DSCAM: variants seen among roughly 807,000 people sequenced by gnomAD.
DSCAM encodes DS cell adhesion molecule.
DSCAM carries 47 observed loss-of-function variants against 217.7 expected under a neutral mutation model. That is an observed-to-expected ratio of 0.22 (90% CI 0.17 to 0.28). DSCAM has a LOEUF of 0.28. Among genes scored for constraint, DSCAM ranks in the 10% least tolerant of loss-of-function variants. DSCAM has a pLI of 1.00. For missense variants in DSCAM, 2,080 were observed against 2,618.3 expected (o/e 0.79, Z 4.49); for synonymous variants, 1,056 against 1,015.3 (o/e 1.04, Z -0.76).
At chr21:40,100,635 C>CTTT (rs34909847) in intron 20 of DSCAM, among the ~76,000 whole-genome samples, 131 of 131,918 alleles carry the variant, frequency 9.9e-4, no homozygotes, top group African/African-American at 3.3e-3. Flanking sequence ...GACTCTGAAT[C>CTTT]TTTTTTTTTT....
chr21:40,400,326 A>G (rs2075222217), intron 3 of DSCAM, among the ~76,000 whole-genome samples: 1 of 152,248 alleles, frequency 6.6e-6, no homozygotes, highest in Admixed American at 6.5e-5. Context: ...ACAAAAAAAT[A>G]GCTAGAAGAG....
chr21:40,691,992 C>T (rs1002606475), intron 3 of DSCAM, among the ~76,000 whole-genome samples: 1 of 152,180 alleles, frequency 6.6e-6, no homozygotes, highest in Non-Finnish European at 1.5e-5. Context: ...GTGTGTTGTG[C>T]GTGTGTGCAC....
At chr21:40,357,205 T>A (rs2074703036) in intron 4 of DSCAM, among the ~76,000 whole-genome samples, 1 of 152,188 alleles carries the variant, frequency 6.6e-6, no homozygotes, top group African/African-American at 2.4e-5. Flanking sequence ...CAGCAAAAAC[T>A]TCATTGCTTC....
At chr21:40,763,052 T>G (rs1425061253) in intron 1 of DSCAM, among the ~76,000 whole-genome samples, 1 of 152,138 alleles carries the variant, frequency 6.6e-6, no homozygotes, top group East Asian at 1.9e-4. Context: ...ATGCCCTCTC[T>G]CACCACTGCT....
intron 1 of DSCAM, among the ~76,000 whole-genome samples, chr21:40,801,537 G>A (rs2091740359): frequency 6.6e-6 from 1 of 152,092 alleles, no homozygotes; most frequent in South Asian, 2.1e-4. Context: ...CTCATCACAG[G>A]CCCAGAGGCC....
Position 40,061,569 on chromosome 21 carries a change from C to CA in DSCAM, c.4919+1299dup, listed in dbSNP as rs1223587491. 8.1e-4 allele frequency among the ~76,000 whole-genome samples: 70 copies of CA among 86,338 alleles called. 1 individual carries two copies. The highest frequency in any genetic ancestry group is 5.7e-3 in the Middle Eastern group (1 of 174). The allele number at this position is 86,338 out of a possible 152,430, so 56.6% of individuals were successfully genotyped here. On this transcript the variant is annotated intron_variant, in intron 28 of 32. Coordinates refer to ENST00000400454, the MANE Select transcript of DSCAM (RefSeq NM_001389.5). ...GGGCGACAAGAGCAAAACTCTGTCCCAAAAAAAAAAAAAAAAGAAAAAGGA... is the reference window on the plus strand; with the variant it reads ...GGGCGACAAGAGCAAAACTCTGTCCCAAAAAAAAAAAAAAAAAGAAAAAGGA...
intron 32 of DSCAM, 77 bp from the exon 33 acceptor site, chr21:40,013,463 AAGC>A: frequency 4.5e-6 from 5 of 1,123,514 alleles, no homozygotes; most frequent in African/African-American, 1.6e-5. Flanking sequence ...TGCACACGGG[AAGC>A]CATGCGGGCT....
intron 11 of DSCAM, among the ~76,000 whole-genome samples, chr21:40,242,784 G>A (rs1258089877): frequency 2.0e-5 from 3 of 152,322 alleles, no homozygotes; most frequent in African/African-American, 7.2e-5. Context: ...TGGGCATATT[G>A]TGTGAGTGAT....
At chr21:40,765,775 C>T (rs574594699) in intron 1 of DSCAM, among the ~76,000 whole-genome samples, 3 of 152,228 alleles carry the variant, frequency 2.0e-5, no homozygotes, top group South Asian at 2.1e-4. Flanking sequence ...ATAACCAAAG[C>T]TGACGTCTCA....
chr21:40,699,278 C>A (rs1469214174), intron 2 of DSCAM, among the ~76,000 whole-genome samples: 1 of 152,198 alleles, frequency 6.6e-6, no homozygotes, highest in Non-Finnish European at 1.5e-5. Flanking sequence ...GCCCACCTCA[C>A]TGACATGCCA....
At position 40,578,396 on chromosome 21, in the gene DSCAM, T is replaced by TGCACCAGTCAGCACTCTGTAAAAAC. The variant is rs1568917768; in HGVS notation, c.508+114389_508+114413dup. ...CTGTGTCTAGCTAAAGGATTGTAAATGCACCAGTCAGCACTCTGTAAAAAC... is the reference window on the plus strand; with the variant it reads ...CTGTGTCTAGCTAAAGGATTGTAAATGCACCAGTCAGCACTCTGTAAAAACGCACCAGTCAGCACTCTGTAAAAAC... On this transcript the variant is annotated intron_variant, in intron 3 of 32. Coordinates refer to ENST00000400454, the MANE Select transcript of DSCAM (RefSeq NM_001389.5). 1.8e-4 allele frequency among the ~76,000 whole-genome samples: 28 copies of TGCACCAGTCAGCACTCTGTAAAAAC among 152,196 alleles called. No individual in the cohort carries two copies. In the South Asian group the frequency reaches 5.4e-3, roughly 29 times the overall value.
At chr21:40,505,525 G>A (rs1234547411) in intron 3 of DSCAM, among the ~76,000 whole-genome samples, 1 of 152,060 alleles carries the variant, frequency 6.6e-6, no homozygotes, top group Non-Finnish European at 1.5e-5. Flanking sequence ...AACAGCTGGT[G>A]GCTTGCTTAA....
intron 3 of DSCAM, among the ~76,000 whole-genome samples, chr21:40,659,389 CTATCA>C (rs1352997753): frequency 1.2e-4 from 16 of 137,220 alleles, no homozygotes; most frequent in African/African-American, 4.7e-4. Flanking sequence ...ATCTATCTAT[CTATCA>C]TCTCTCTCAT....
chr21:40,028,582 A>G lies in DSCAM; in HGVS notation c.5686+13789T>C, dbSNP rs183279837. 7.1e-3 allele frequency among the ~76,000 whole-genome samples: 1,061 copies of G among 149,190 alleles called. 6 individuals carry two copies. The highest frequency in any genetic ancestry group is 0.025 in the African/African-American group (966 of 38,708). ...CATGTTTTAAGCCCGTCAGAAAAGC[A>G]CAGTATTCGGGTGGGAGTGACCCGA... On this transcript the variant is annotated intron_variant, in intron 32 of 32. Transcript: ENST00000400454.
intron 11 of DSCAM, among the ~76,000 whole-genome samples, chr21:40,201,576 G>A (rs946191871): frequency 6.6e-6 from 1 of 152,042 alleles, no homozygotes; most frequent in Non-Finnish European, 1.5e-5. Context: ...CAAGTAGCTG[G>A]GATTACAGGC....
intron 11 of DSCAM, among the ~76,000 whole-genome samples, chr21:40,199,702 A>C (rs904357357): frequency 1.3e-5 from 2 of 151,972 alleles, no homozygotes; most frequent in African/African-American, 4.8e-5. Context: ...GACTATTCTC[A>C]CTTATAAGTG....
chr21:40,017,726 A>G (rs2088188634), intron 32 of DSCAM, among the ~76,000 whole-genome samples: 1 of 151,950 alleles, frequency 6.6e-6, no homozygotes, highest in Non-Finnish European at 1.5e-5. Context: ...TAATTTTTGT[A>G]TTTTTAGTAG....
chr21:40,356,777 T>C (rs2074698082), intron 4 of DSCAM, among the ~76,000 whole-genome samples: 1 of 152,176 alleles, frequency 6.6e-6, no homozygotes, highest in Admixed American at 6.5e-5. Context: ...AGAGAGTAAA[T>C]TTCTGTTTTA....
At chr21:40,639,917 C>A (rs1289881009) in intron 3 of DSCAM, among the ~76,000 whole-genome samples, 1 of 152,090 alleles carries the variant, frequency 6.6e-6, no homozygotes, top group African/African-American at 2.4e-5. Flanking sequence ...GAGAAAAAAA[C>A]CCATGCCTTG....
Sources: allele counts gnomAD v4.1 joint callset (sites outside exome capture counted in the v4.1 genomes callset), GRCh38; gene constraint gnomAD v4.1.1; transcripts MANE v1.5; gene names NCBI Gene and HGNC (gene_info 2026-07-23, HGNC 2026-07-21).